UBE2V1: variants seen among roughly 807,000 people sequenced by gnomAD.
The protein encoded by UBE2V1 is ubiquitin-conjugating enzyme E2 variant 1.
A neutral mutation model predicts 19.6 loss-of-function variants in UBE2V1; 15 were observed. The ratio of observed to expected loss-of-function variants is 0.77; its 90% confidence interval spans 0.51 to 1.18. UBE2V1 has a LOEUF of 1.18. UBE2V1 is among the 50% of genes most tolerant of loss of function. The pLI is 0.00. For synonymous variants in UBE2V1, 60 were observed against 60.7 expected (o/e 0.99, Z 0.05); for missense variants, 125 against 184.8 (o/e 0.68, Z 1.88).
intron 1 of UBE2V1, among the ~76,000 whole-genome samples, chr20:50,102,160 A>T (rs2080042200): frequency 6.6e-6 from 1 of 152,200 alleles, no homozygotes; most frequent in Non-Finnish European, 1.5e-5. Flanking sequence ...CAAACTTCTT[A>T]TAGGCCTGCG....
At chr20:50,089,001 T>C (rs1354909259) in intron 2 of UBE2V1, among the ~76,000 whole-genome samples, 2 of 152,054 alleles carry the variant, frequency 1.3e-5, no homozygotes, top group Non-Finnish European at 2.9e-5. Context: ...ACAGTAACTG[T>C]TGGGGAGAAG....
At chr20:50,109,789 G>C (rs1391560623) in intron 1 of UBE2V1, among the ~76,000 whole-genome samples, 1 of 145,804 alleles carries the variant, frequency 6.9e-6, no homozygotes, top group Non-Finnish European at 1.5e-5. Flanking sequence ...GCCCAACAAA[G>C]CCAGTTTCCC....
chr20:50,113,052 C>T, intron 1 of UBE2V1, 55 bp downstream of exon 1: 3 of 781,622 alleles, frequency 3.8e-6, no homozygotes, highest in Non-Finnish European at 3.6e-6. Flanking sequence ...GGGTCCCCGG[C>T]CCCCGGCCCA....
chr20:50,104,655 C>CAAAAAAA lies in UBE2V1; in HGVS notation c.23-7842_23-7836dup, dbSNP rs113771532. On this transcript the variant is annotated intron_variant, in intron 1 of 3. Transcript: ENST00000371674. ...CCAGGGCGACAGTGAGACTCTGGCA[C>CAAAAAAA]AAAAAAAAAAAAAAAAAAAAAATTA... Among the ~76,000 whole-genome samples, 333 of 71,556 alleles carry CAAAAAAA rather than the reference C, an allele frequency of 4.7e-3. 12 individuals are homozygous for CAAAAAAA. The highest frequency in any genetic ancestry group is 0.012 in the African/African-American group (239 of 19,548). 46.9% of individuals were successfully genotyped at this position (71,556 alleles called of 152,430 possible).
At chr20:50,096,599 A>G (rs2147088964) in intron 2 of UBE2V1, 73 bp downstream of exon 2, 2 of 1,606,094 alleles carry the variant, frequency 1.2e-6, no homozygotes, top group East Asian at 4.5e-5. Flanking sequence ...TTCCGTGATA[A>G]GGCTAATATT....
chr20:50,082,361 G>C lies in UBE2V1; in HGVS notation c.*407C>G, dbSNP rs2078679216. 1 of 188,728 alleles carries C rather than the reference G, an allele frequency of 5.3e-6. No individual in the cohort carries two copies. Among genetic ancestry groups the C allele is most frequent in the Non-Finnish European group, 1.1e-5 (1 of 89,942 alleles). 11.7% of individuals were successfully genotyped at this position (188,728 alleles called of 1,614,324 possible). On this transcript the variant is annotated 3_prime_UTR_variant, in exon 4 of 4. Coordinates refer to ENST00000371674, the MANE Select transcript of UBE2V1 (RefSeq NM_001032288.3). The stretch of plus-strand genomic sequence containing the variant: ...CCCAGGCTAGAGGGCTGTTGTTGCA[G>C]GGAGGGTGGGAGGCGGGAGGGTAAG...
At position 50,104,277 on chromosome 20, in the gene UBE2V1, T is replaced by C. The variant is rs1472049926; in HGVS notation, c.23-7457A>G. Reference sequence around the variant, plus strand: ...AGCCTGGCAATAGGGCCAGACTCCGTCTCAAAAAAAAAAAAAAAAAAGGCA... The same window carrying C: ...AGCCTGGCAATAGGGCCAGACTCCGCCTCAAAAAAAAAAAAAAAAAAGGCA... On this transcript the variant is annotated intron_variant, in intron 1 of 3. Transcript: ENST00000371674. The C allele has an allele frequency of 1.0e-5, 9 of 887,416 alleles. No individual in the cohort carries two copies. In the African/African-American group the frequency reaches 2.1e-4, roughly 21 times the overall value. The allele number at this position is 887,416 out of a possible 1,614,324, so 55.0% of individuals were successfully genotyped here. A position where few individuals can be genotyped will look rare whatever the true frequency, so the allele number is the denominator to read the frequency against.
chr20:50,088,063 C>T (rs2079022853), intron 2 of UBE2V1, among the ~76,000 whole-genome samples: 1 of 145,080 alleles, frequency 6.9e-6, no homozygotes, highest in Non-Finnish European at 1.5e-5. Flanking sequence ...TTTCCTGGGC[C>T]AAATGCATAC....
At chr20:50,106,777 G>T (rs1376144281) in intron 1 of UBE2V1, among the ~76,000 whole-genome samples, 1 of 151,772 alleles carries the variant, frequency 6.6e-6, no homozygotes, top group Non-Finnish European at 1.5e-5. Flanking sequence ...AGAGGTTGCG[G>T]TGAGCCAAGA....
At chr20:50,104,280 CAAAAAAAAAAA>C (rs34011542) in intron 1 of UBE2V1, 1 of 697,358 alleles carries the variant, frequency 1.4e-6, no homozygotes, top group Admixed American at 1.3e-4. Context: ...GACTCCGTCT[CAAAAAAAAAAA>C]AAAAAAAGGC....
chr20:50,094,022 TAATAATAATAAA>T (rs1177043175), intron 2 of UBE2V1, among the ~76,000 whole-genome samples: 74 of 108,484 alleles, frequency 6.8e-4, no homozygotes, highest in African/African-American at 2.6e-3. Context: ...ATAATAATAA[TAATAATAATAAA>T]ATATATATAT....
At chr20:50,103,881 G>A (rs1327823152) in intron 1 of UBE2V1, among the ~76,000 whole-genome samples, 1 of 148,354 alleles carries the variant, frequency 6.7e-6, no homozygotes, top group African/African-American at 2.5e-5. Flanking sequence ...CACTCTCTAA[G>A]TTTCTCAAGT....
At chr20:50,088,138 G>C (rs1182230368) in intron 2 of UBE2V1, among the ~76,000 whole-genome samples, 1 of 138,686 alleles carries the variant, frequency 7.2e-6, no homozygotes, top group Non-Finnish European at 1.5e-5. Flanking sequence ...CCAATAGAGA[G>C]ACAGTCTACA....
intron 2 of UBE2V1, among the ~76,000 whole-genome samples, chr20:50,091,005 G>C (rs767893409): frequency 1.3e-5 from 2 of 152,056 alleles, no homozygotes; most frequent in Non-Finnish European, 1.5e-5. Flanking sequence ...GAGTTAAAGC[G>C]GGACTAAGTT....
At chr20:50,108,342 ACT>A (rs2080525057) in intron 1 of UBE2V1, among the ~76,000 whole-genome samples, 1 of 152,218 alleles carries the variant, frequency 6.6e-6, no homozygotes, top group Non-Finnish European at 1.5e-5. Flanking sequence ...AGGAAAGACT[ACT>A]ACTTGAGAGG....
intron 1 of UBE2V1, among the ~76,000 whole-genome samples, chr20:50,103,918 C>T (rs950081020): frequency 6.7e-6 from 1 of 150,294 alleles, no homozygotes; most frequent in Non-Finnish European, 1.5e-5. Flanking sequence ...TCAATCCCGC[C>T]TCCCCAGAAT....
chr20:50,094,201 TATATATA>T (rs973296364), intron 2 of UBE2V1, among the ~76,000 whole-genome samples: 1 of 57,276 alleles, frequency 1.7e-5, no homozygotes, highest in Admixed American at 2.0e-4. Context: ...AAATATACAG[TATATATA>T]ATATATAACA....
At chr20:50,092,767 G>T (rs2079319242) in intron 2 of UBE2V1, among the ~76,000 whole-genome samples, 1 of 152,170 alleles carries the variant, frequency 6.6e-6, no homozygotes, top group South Asian at 2.1e-4. Flanking sequence ...AAACAAAAAA[G>T]GTGGGGGCAC....
At chr20:50,098,944 A>C (rs2079809343) in intron 1 of UBE2V1, 1 of 985,318 alleles carries the variant, frequency 1.0e-6, no homozygotes, top group Admixed American at 6.1e-5. Context: ...TGGATTATTC[A>C]GCTATACTGG....
Sources: allele counts gnomAD v4.1 joint callset (sites outside exome capture counted in the v4.1 genomes callset), GRCh38; gene constraint gnomAD v4.1.1; transcripts MANE v1.5; gene names NCBI Gene and HGNC (gene_info 2026-07-23, HGNC 2026-07-21).